The following NSUN6 variants were observed in gnomAD, a reference collection of about 807,000 sequenced individuals.
NSUN6 encodes the protein tRNA (cytosine(72)-C(5))-methyltransferase NSUN6.
In NSUN6, 64 loss-of-function variants were observed where a neutral mutation model predicts 58.0. That is an observed-to-expected ratio of 1.10 (90% CI 0.90 to 1.36). The LOEUF is 1.36. Ranked by LOEUF, NSUN6 falls within the 40% of genes most tolerant of loss-of-function variation. The pLI, the probability that NSUN6 is intolerant of heterozygous loss-of-function variation, is 0.00. For missense variants in NSUN6, 701 were observed against 550.1 expected (o/e 1.27, Z -2.74); for synonymous variants, 231 against 193.9 (o/e 1.19, Z -1.59).
intron 2 of NSUN6, among the ~76,000 whole-genome samples, chr10:18,644,379 C>A (rs923282551): frequency 1.3e-5 from 2 of 152,188 alleles, no homozygotes; most frequent in African/African-American, 4.8e-5. Flanking sequence ...GCTCACAACA[C>A]AGTTCATCCA....
At chr10:18,561,799 G>T (rs145110773) in intron 8 of NSUN6, among the ~76,000 whole-genome samples, 1 of 150,930 alleles carries the variant, frequency 6.6e-6, no homozygotes, top group Non-Finnish European at 1.5e-5. Context: ...GAATACAATG[G>T]AATGGAATGC....
At chr10:18,620,901 T>C (rs2058582121) in intron 3 of NSUN6, among the ~76,000 whole-genome samples, 1 of 152,228 alleles carries the variant, frequency 6.6e-6, no homozygotes, top group African/African-American at 2.4e-5. Flanking sequence ...ATCTGTAGTG[T>C]TAGATTTTAT....
chr10:18,576,516 A>T (rs549511247), intron 8 of NSUN6, among the ~76,000 whole-genome samples: 1 of 152,162 alleles, frequency 6.6e-6, no homozygotes, highest in Non-Finnish European at 1.5e-5. Flanking sequence ...CTAAAACTAA[A>T]CTAAAACTCT....
At chr10:18,602,063 G>C (rs2057864069) in intron 6 of NSUN6, among the ~76,000 whole-genome samples, 1 of 151,594 alleles carries the variant, frequency 6.6e-6, no homozygotes, top group Non-Finnish European at 1.5e-5. Context: ...GTAATGGTGG[G>C]GTTGTTTTGT....
intron 6 of NSUN6, 145 bp from the exon 7 acceptor site, chr10:18,596,472 G>A: frequency 1.8e-6 from 1 of 565,524 alleles, no homozygotes; most frequent in Non-Finnish European, 3.1e-6. Context: ...AATATACTCA[G>A]GTTAGGAAAT....
At chr10:18,596,791 T>C (rs543547736) in intron 6 of NSUN6, among the ~76,000 whole-genome samples, 168 of 152,276 alleles carry the variant, frequency 1.1e-3, no homozygotes, top group African/African-American at 3.9e-3. Context: ...AAGCATGCCA[T>C]TTTCATATAG....
intron 3 of NSUN6, among the ~76,000 whole-genome samples, chr10:18,618,322 T>C (rs2058483272): frequency 6.6e-6 from 1 of 152,170 alleles, no homozygotes; most frequent in Non-Finnish European, 1.5e-5. Context: ...AAATTCATGG[T>C]CATTACACTT....
chr10:18,594,295 A>G (rs72787963), intron 7 of NSUN6, among the ~76,000 whole-genome samples: 52,022 of 151,716 alleles, frequency 0.34, 9,514 homozygotes, highest in East Asian at 0.74. Flanking sequence ...TGACTCTTCT[A>G]TATATTTTCT....
intron 8 of NSUN6, among the ~76,000 whole-genome samples, chr10:18,583,390 T>C (rs2056990327): frequency 6.6e-6 from 1 of 152,162 alleles, no homozygotes; most frequent in African/African-American, 2.4e-5. Flanking sequence ...CAAAGCCTGC[T>C]TGGTGGTCTC....
At chr10:18,639,268 G>A (rs928992269) in intron 3 of NSUN6, among the ~76,000 whole-genome samples, 2 of 152,202 alleles carry the variant, frequency 1.3e-5, no homozygotes, top group Admixed American at 6.5e-5. Context: ...GGTGAGGCAG[G>A]CGGATCATGA....
At chr10:18,637,830 TTATA>T (rs1430005185) in intron 3 of NSUN6, among the ~76,000 whole-genome samples, 1 of 152,238 alleles carries the variant, frequency 6.6e-6, no homozygotes, top group Non-Finnish European at 1.5e-5. Flanking sequence ...ACGATATCCA[TTATA>T]TATTTTTAAG....
At chr10:18,571,664 T>A (rs1276783796) in intron 8 of NSUN6, among the ~76,000 whole-genome samples, 1 of 151,012 alleles carries the variant, frequency 6.6e-6, no homozygotes, top group African/African-American at 2.4e-5. Context: ...TCATTCTCCA[T>A]CCCATTCCAA....
intron 1 of NSUN6, 107 bp downstream of exon 1, chr10:18,651,022 G>C (rs759476404): frequency 1.6e-4 from 218 of 1,346,148 alleles, no homozygotes; most frequent in Non-Finnish European, 2.0e-4. Flanking sequence ...CAAGTAGTAA[G>C]GAACGACGGC....
chr10:18,647,255 T>G (rs1036907700), intron 2 of NSUN6, among the ~76,000 whole-genome samples: 1 of 152,184 alleles, frequency 6.6e-6, no homozygotes, highest in South Asian at 2.1e-4. Context: ...AAATACAGCT[T>G]GTGATTGACA....
chr10:18,579,548 G>T (rs2131055279), intron 8 of NSUN6, among the ~76,000 whole-genome samples: 1 of 152,280 alleles, frequency 6.6e-6, no homozygotes, highest in African/African-American at 2.4e-5. Flanking sequence ...CCAGGTTTCA[G>T]TCAATTTAGA....
intron 2 of NSUN6, among the ~76,000 whole-genome samples, chr10:18,647,804 G>A (rs1028321637): frequency 3.0e-5 from 4 of 135,360 alleles, no homozygotes; most frequent in Admixed American, 1.7e-4. Flanking sequence ...ATGCAATTTC[G>A]GCTCACTGCA....
At chr10:18,593,673 C>T (rs1259191867) in intron 7 of NSUN6, among the ~76,000 whole-genome samples, 1 of 151,952 alleles carries the variant, frequency 6.6e-6, no homozygotes, top group Non-Finnish European at 1.5e-5. Context: ...CACATGGACA[C>T]AGGGAGGGGA....
At chr10:18,596,832 C>T (rs2057606831) in intron 6 of NSUN6, among the ~76,000 whole-genome samples, 1 of 152,138 alleles carries the variant, frequency 6.6e-6, no homozygotes, top group Non-Finnish European at 1.5e-5. Flanking sequence ...TCAATCTCAG[C>T]ATTGTTCACT....
chr10:18,553,044 T>C (rs1313514236), intron 8 of NSUN6, among the ~76,000 whole-genome samples: 1 of 151,836 alleles, frequency 6.6e-6, no homozygotes, highest in Non-Finnish European at 1.5e-5. Flanking sequence ...CCCTTCTCCA[T>C]TCCATTTCCC....
Sources: gnomAD v4.1 joint callset for allele counts (sites outside exome capture counted in the v4.1 genomes callset) on GRCh38, gnomAD v4.1.1 for gene constraint, MANE v1.5 for transcripts, NCBI Gene and HGNC (gene_info 2026-07-23, HGNC 2026-07-21) for gene names.